CADM2: variants seen among roughly 807,000 people sequenced by gnomAD.
CADM2 encodes the protein immunoglobulin superfamily member 4D.
Under a neutral mutation model 49.8 loss-of-function variants are expected in CADM2, and 12 were observed. The observed-to-expected ratio is 0.24, with a 90% confidence interval of 0.15 to 0.39. The LOEUF is 0.39. Among genes scored for constraint, CADM2 ranks in the 10% least tolerant of loss-of-function variants. The pLI, the probability that CADM2 is intolerant of heterozygous loss-of-function variation, is 1.00. For missense variants in CADM2, 378 were observed against 492.3 expected (o/e 0.77, Z 2.20); for synonymous variants, 214 against 175.4 (o/e 1.22, Z -1.74).
intron 1 of CADM2, among the ~76,000 whole-genome samples, chr3:85,047,737 A>G (rs2035722036): frequency 6.6e-6 from 1 of 152,150 alleles, no homozygotes; most frequent in Non-Finnish European, 1.5e-5. Context: ...CCTATATCCA[A>G]TTCTTATAAA....
chr3:85,107,790 T>C (rs990701276), intron 1 of CADM2, among the ~76,000 whole-genome samples: 1 of 149,568 alleles, frequency 6.7e-6, no homozygotes, highest in Non-Finnish European at 1.5e-5. Flanking sequence ...ACTTCTTGCC[T>C]CTCGGGTTCA....
At chr3:84,975,981 A>C in intron 1 of CADM2, among the ~76,000 whole-genome samples, 1 of 151,834 alleles carries the variant, frequency 6.6e-6, no homozygotes, top group East Asian at 1.9e-4. Flanking sequence ...GGATGCCTTC[A>C]TTTTCTATTG....
intron 3 of CADM2, among the ~76,000 whole-genome samples, chr3:85,828,510 C>A (rs1010092301): frequency 6.6e-6 from 1 of 151,968 alleles, no homozygotes; most frequent in Non-Finnish European, 1.5e-5. Context: ...TAAGGCCTCC[C>A]AAATCTACCA....
At chr3:85,767,683 T>C (rs1315879135) in intron 2 of CADM2, among the ~76,000 whole-genome samples, 1 of 152,090 alleles carries the variant, frequency 6.6e-6, no homozygotes, top group Non-Finnish European at 1.5e-5. Context: ...AATGTGGCAT[T>C]ACAGAAACAA....
chr3:85,628,683 A>G (rs2064208250), intron 1 of CADM2, among the ~76,000 whole-genome samples: 1 of 148,852 alleles, frequency 6.7e-6, no homozygotes, highest in Non-Finnish European at 1.5e-5. Context: ...ACACATATAT[A>G]TATATATAAT....
intron 8 of CADM2, among the ~76,000 whole-genome samples, chr3:86,056,973 GA>G (rs1398413083): frequency 6.6e-6 from 1 of 152,150 alleles, no homozygotes; most frequent in Non-Finnish European, 1.5e-5. Flanking sequence ...TCTGTTGTAT[GA>G]TGTAGCCTTA....
At chr3:84,994,201 A>T (rs2033054871) in intron 1 of CADM2, among the ~76,000 whole-genome samples, 1 of 152,092 alleles carries the variant, frequency 6.6e-6, no homozygotes, top group South Asian at 2.1e-4. Flanking sequence ...TCGCTTTTCC[A>T]CTTCTGACTC....
chr3:85,722,126 G>C (rs1224024847), intron 1 of CADM2, among the ~76,000 whole-genome samples: 1 of 152,078 alleles, frequency 6.6e-6, no homozygotes, highest in East Asian at 1.9e-4. Flanking sequence ...AAGCCCTGAA[G>C]TGGGTAGCTC....
intron 1 of CADM2, among the ~76,000 whole-genome samples, chr3:85,102,111 C>T (rs1011784047): frequency 6.6e-6 from 1 of 152,128 alleles, no homozygotes; most frequent in Non-Finnish European, 1.5e-5. Context: ...GCCTGTTCTG[C>T]TTCCTTGTGA....
chr3:85,223,172 T>G (rs1343069400), intron 1 of CADM2, among the ~76,000 whole-genome samples: 1 of 152,146 alleles, frequency 6.6e-6, no homozygotes, highest in African/African-American at 2.4e-5. Context: ...TCAGAGATCA[T>G]AAGTAGAAAT....
chr3:85,653,097 A>G lies in CADM2; in HGVS notation c.62-73425A>G, dbSNP rs529706291. 7.2e-5 allele frequency among the ~76,000 whole-genome samples: 11 copies of G among 151,866 alleles called. No homozygotes were observed. In the East Asian group the frequency reaches 2.1e-3, roughly 30 times the overall value. ...CTAACTTGGAAATCTTTAAAAATGCAGATTTAAGTTCAGAAGGTCTGGGAT... is the reference window on the plus strand; with the variant it reads ...CTAACTTGGAAATCTTTAAAAATGCGGATTTAAGTTCAGAAGGTCTGGGAT... On this transcript the variant is annotated intron_variant, in intron 1 of 9. Transcript: ENST00000383699.
intron 1 of CADM2, among the ~76,000 whole-genome samples, chr3:85,692,628 C>A (rs2066420084): frequency 6.6e-6 from 1 of 152,094 alleles, no homozygotes; most frequent in South Asian, 2.1e-4. Context: ...GAAGTTTGGT[C>A]TGCTAAAATT....
chr3:85,366,718 T>A (rs368800070), intron 1 of CADM2, among the ~76,000 whole-genome samples: 3 of 152,110 alleles, frequency 2.0e-5, no homozygotes, highest in East Asian at 3.9e-4. Flanking sequence ...AATTTTAATA[T>A]TAATGCCGAA....
intron 3 of CADM2, among the ~76,000 whole-genome samples, chr3:85,862,734 A>T (rs1373696991): frequency 6.6e-6 from 1 of 152,188 alleles, no homozygotes; most frequent in African/African-American, 2.4e-5. Flanking sequence ...ACATGGAGTG[A>T]CATGTTTAGT....
chr3:85,138,514 T>C (rs2039484775), intron 1 of CADM2, among the ~76,000 whole-genome samples: 1 of 152,190 alleles, frequency 6.6e-6, no homozygotes. Context: ...AATTTTAATA[T>C]CTAAGAAGGT....
chr3:85,774,071 T>TA (rs754588277), intron 2 of CADM2, among the ~76,000 whole-genome samples: 14 of 152,024 alleles, frequency 9.2e-5, no homozygotes, highest in African/African-American at 3.1e-4. Context: ...TTAGATCCTT[T>TA]ATCTACATTT....
At chr3:85,002,309 GT>G (rs1010648005) in intron 1 of CADM2, among the ~76,000 whole-genome samples, 9 of 151,980 alleles carry the variant, frequency 5.9e-5, no homozygotes, top group African/African-American at 2.2e-4. Flanking sequence ...ATGCCCCTTG[GT>G]GTTTTCCAAG....
chr3:84,992,267 T>G (rs1575988991), intron 1 of CADM2, among the ~76,000 whole-genome samples: 1 of 152,320 alleles, frequency 6.6e-6, no homozygotes, highest in South Asian at 2.1e-4. Context: ...AAACAAAGTT[T>G]ATTTTAAAAG....
intron 8 of CADM2, among the ~76,000 whole-genome samples, chr3:86,004,452 G>A (rs980322243): frequency 2.0e-5 from 3 of 152,198 alleles, no homozygotes; most frequent in African/African-American, 7.2e-5. Context: ...CTGTGATGCC[G>A]TGGGGTGCCT....
Sources: allele counts gnomAD v4.1 joint callset (sites outside exome capture counted in the v4.1 genomes callset), GRCh38; gene constraint gnomAD v4.1.1; transcripts MANE v1.5; gene names NCBI Gene and HGNC (gene_info 2026-07-23, HGNC 2026-07-21).